The following CD36 variants were observed in gnomAD, a reference collection of about 807,000 sequenced individuals.
CD36 encodes the protein CD36 molecule (CD36 blood group).
A neutral mutation model predicts 55.2 loss-of-function variants in CD36; 119 were observed. The observed-to-expected ratio is 2.15, with a 90% CI of 1.86 to 2.51. CD36 has a LOEUF of 2.51. Among genes scored for constraint, CD36 ranks in the 30% most tolerant of loss-of-function variants. The pLI, the probability that CD36 is intolerant of heterozygous loss-of-function variation, is 0.00. For synonymous variants in CD36, 186 were observed against 193.6 expected (o/e 0.96, Z 0.33); for missense variants, 819 against 555.5 (o/e 1.47, Z -4.77).
rs755288245 is a variant in CD36, at chr7:80,664,388, C to A, written c.610-18C>A. ...AAATGACTTGTAGAAGTAACATTTT[C>A]CCATACATATATTTCAGTACAACAA... On this transcript the variant is annotated intron_variant, in intron 6 of 14. Coordinates refer to ENST00000447544, the MANE Select transcript of CD36 (RefSeq NM_001001548.3). 2 of 1,290,544 alleles carry A rather than the reference C, an allele frequency of 1.5e-6. No homozygotes were observed. Among genetic ancestry groups the A allele is most frequent in the South Asian group, 2.4e-5 (2 of 84,582 alleles). The allele number at this position is 1,290,544 out of a possible 1,614,324, so 79.9% of individuals were successfully genotyped here.
At chr7:80,620,743 T>C (rs1793420804) in intron 1 of CD36, among the ~76,000 whole-genome samples, 1 of 152,164 alleles carries the variant, frequency 6.6e-6, no homozygotes, top group Non-Finnish European at 1.5e-5. Context: ...AGAGGGAGAT[T>C]CTGTTTTCTG....
upstream of CD36, among the ~76,000 whole-genome samples, chr7:80,637,963 C>G (rs1361081109): frequency 1.3e-5 from 2 of 149,690 alleles, no homozygotes; most frequent in Non-Finnish European, 3.0e-5. Flanking sequence ...AATAGTAATT[C>G]TACTTAGACA....
intron 1 of CD36, among the ~76,000 whole-genome samples, chr7:80,627,261 C>A (rs1019228252): frequency 1.3e-5 from 2 of 152,010 alleles, no homozygotes; most frequent in Admixed American, 6.6e-5. Context: ...ATTTTTGAAT[C>A]CTCTAGTACA....
intron 3 of CD36, among the ~76,000 whole-genome samples, chr7:80,649,877 T>C (rs1379078224): frequency 6.6e-6 from 1 of 151,814 alleles, no homozygotes; most frequent in Non-Finnish European, 1.5e-5. Flanking sequence ...AAGAGTACAA[T>C]CCTAGAAGTT....
At chr7:80,632,719 AAC>A (rs1248065235) in intron 1 of CD36, among the ~76,000 whole-genome samples, 1 of 152,038 alleles carries the variant, frequency 6.6e-6, no homozygotes, top group African/African-American at 2.4e-5. Context: ...AGCATTTTAA[AAC>A]ACATCATTAT....
chr7:80,646,716 C>T lies in CD36; in HGVS notation c.-25C>T, dbSNP rs959051607. ...GTTTGCAAGAAACAGGTGCTTAACA[C>T]TAATTCACCTCCTGAACAAGAAAAA... On this transcript the variant is annotated 5_prime_UTR_variant, in exon 3 of 15. Transcript: ENST00000447544. The T allele has an allele frequency of 6.2e-7, 1 of 1,613,534 alleles. No individual in the cohort carries two copies. The highest frequency in any genetic ancestry group is 1.3e-5 in the African/African-American group (1 of 74,888).
At chr7:80,662,003 G>A (rs1796570937) in intron 5 of CD36, among the ~76,000 whole-genome samples, 2 of 152,140 alleles carry the variant, frequency 1.3e-5, no homozygotes, top group African/African-American at 4.8e-5. Flanking sequence ...TGTGGATGAA[G>A]TACAATTTCT....
chr7:80,674,814 A>C (rs778317596), intron 14 of CD36, among the ~76,000 whole-genome samples: 1 of 151,990 alleles, frequency 6.6e-6, no homozygotes, highest in Non-Finnish European at 1.5e-5. Context: ...TCTTCAGCCC[A>C]CCTCAAGGCA....
chr7:80,669,901 T>C (rs1437244243), intron 8 of CD36, 52 bp from the exon 9 acceptor site: 22 of 1,285,812 alleles, frequency 1.7e-5, no homozygotes, highest in Non-Finnish European at 2.5e-5. Flanking sequence ...TTCTAGGTTT[T>C]TTTCTAGAAC....
At chr7:80,627,054 A>G (rs1793783852) in intron 1 of CD36, among the ~76,000 whole-genome samples, 1 of 151,982 alleles carries the variant, frequency 6.6e-6, no homozygotes, top group Admixed American at 6.6e-5. Context: ...GGTTCTATTT[A>G]CTGTCCTTTT....
intron 8 of CD36, among the ~76,000 whole-genome samples, chr7:80,668,666 T>C (rs1243371720): frequency 6.6e-6 from 1 of 152,232 alleles, no homozygotes; most frequent in Admixed American, 6.5e-5. Context: ...AGCTTTTCAA[T>C]GCATTTTTCT....
At chr7:80,675,317 C>T (rs573260046) in intron 14 of CD36, among the ~76,000 whole-genome samples, 7 of 151,480 alleles carry the variant, frequency 4.6e-5, no homozygotes, top group East Asian at 1.9e-4. Flanking sequence ...ATAGATCATC[C>T]GCTGAAAAGT....
chr7:80,615,174 G>A (rs568267022), intron 1 of CD36, among the ~76,000 whole-genome samples: 24 of 152,270 alleles, frequency 1.6e-4, no homozygotes, highest in Middle Eastern at 6.8e-3. Flanking sequence ...TCAGGGCCTT[G>A]TGTCTTTCCC....
Position 80,676,395 on chromosome 7 carries a change from G to C in CD36, c.*12G>C, listed in dbSNP as rs922163993. On this transcript the variant is annotated 3_prime_UTR_variant, in exon 15 of 15. Coordinates refer to ENST00000447544, the MANE Select transcript of CD36 (RefSeq NM_001001548.3). ...TTCCGTTTCTACAGACCTGGCTCAA[G>C]CACAAACCAATTTGTGTTGTTCTGA... 2.6e-5 allele frequency: 4 copies of C among 152,074 alleles called. No individual in the cohort carries two copies. The highest frequency in any genetic ancestry group is 9.7e-5 in the African/African-American group (4 of 41,410). 9.4% of individuals were successfully genotyped at this position (152,074 alleles called of 1,614,324 possible).
chr7:80,671,897 A>G (rs754590704), intron 10 of CD36, 25 bp from the exon 11 acceptor site: 14 of 1,605,478 alleles, frequency 8.7e-6, no homozygotes, highest in South Asian at 3.3e-5. Flanking sequence ...ATTAATTCCA[A>G]TTGACTCTTA....
upstream of CD36, among the ~76,000 whole-genome samples, chr7:80,636,600 C>T (rs1284241440): frequency 6.6e-6 from 1 of 151,430 alleles, no homozygotes; most frequent in African/African-American, 2.4e-5. Context: ...AAATTATATC[C>T]TGTCATTCTA....
At chr7:80,673,684 C>A in intron 13 of CD36, 1 of 556,162 alleles carries the variant, frequency 1.8e-6, no homozygotes, top group South Asian at 2.2e-5. Flanking sequence ...ACTATAAATC[C>A]ATGCATTGAT....
intron 3 of CD36, among the ~76,000 whole-genome samples, chr7:80,654,701 G>T (rs934648500): frequency 6.6e-6 from 1 of 152,092 alleles, no homozygotes; most frequent in Admixed American, 6.6e-5. Flanking sequence ...CACTCTAGCA[G>T]GTCCAATGTA....
At position 80,663,054 on chromosome 7, in the gene CD36, C is replaced by A. The variant is rs369405900; in HGVS notation, c.494C>A (p.Ser165Ter). The A allele has an allele frequency of 2.5e-6, 4 of 1,613,222 alleles. No homozygotes were observed. The highest frequency in any genetic ancestry group is 1.1e-5 in the South Asian group (1 of 91,048). ...ATCCTCAATTCACTTATTAACAAGT[C>A]AAAATCTTCTATGTTCCAAGTCAGA... ...QMILNSLINK[S>*]KSSMFQVRTL... Residue 165 changes from serine (S) to a stop codon, truncating the protein, a stop_gained, in exon 6 of 15, where the codon TCA becomes TAA. Coordinates refer to ENST00000447544, the MANE Select transcript of CD36 (RefSeq NM_001001548.3). LOFTEE classifies it high-confidence loss of function.
Sources: gnomAD v4.1 joint callset for allele counts (sites outside exome capture counted in the v4.1 genomes callset) on GRCh38, gnomAD v4.1.1 for gene constraint, MANE v1.5 for transcripts, NCBI Gene and HGNC (gene_info 2026-07-23, HGNC 2026-07-21) for gene names.